The following KDM4B variants were observed in gnomAD, a reference collection of about 807,000 sequenced individuals.
KDM4B encodes the protein lysine demethylase 4B, also known as lysine-specific demethylase 4B.
A neutral mutation model predicts 125.2 loss-of-function variants in KDM4B; 32 were observed. The observed-to-expected ratio is 0.26, with a 90% confidence interval of 0.19 to 0.34. KDM4B has a LOEUF of 0.34. KDM4B is among the 10% of genes least tolerant of loss of function. The pLI, the probability that KDM4B is intolerant of heterozygous loss-of-function variation, is 1.00. For synonymous variants in KDM4B, 721 were observed against 677.9 expected (o/e 1.06, Z -0.99); for missense variants, 1,190 against 1,577.7 (o/e 0.75, Z 4.16).
chr19:5,136,315 C>G (rs1225933139), intron 15 of KDM4B, among the ~76,000 whole-genome samples: 5 of 152,194 alleles, frequency 3.3e-5, no homozygotes, highest in African/African-American at 1.2e-4. Context: ...TGGTCACAGA[C>G]AAGAAAATGG....
chr19:5,049,219 T>C (rs892523960), intron 6 of KDM4B, among the ~76,000 whole-genome samples: 1 of 152,026 alleles, frequency 6.6e-6, no homozygotes, highest in Admixed American at 6.5e-5. Context: ...GCCGAGGGCC[T>C]CTCCTGAGCT....
At chr19:5,087,913 C>A (rs1049031288) in intron 9 of KDM4B, among the ~76,000 whole-genome samples, 1 of 152,096 alleles carries the variant, frequency 6.6e-6, no homozygotes, top group Non-Finnish European at 1.5e-5. Context: ...CTGGGCTGTT[C>A]GGAGGGTTTG....
chr19:4,995,614 TG>T (rs2035174667), intron 1 of KDM4B, among the ~76,000 whole-genome samples: 1 of 152,104 alleles, frequency 6.6e-6, no homozygotes, highest in African/African-American at 2.4e-5. Flanking sequence ...TGGTAGAGAG[TG>T]GGTGCCATCA....
At chr19:5,102,625 G>C (rs1290834062) in intron 9 of KDM4B, among the ~76,000 whole-genome samples, 1 of 152,176 alleles carries the variant, frequency 6.6e-6, no homozygotes, top group Non-Finnish European at 1.5e-5. Flanking sequence ...TTGGCGTTGG[G>C]AGGGATCTCG....
chr19:5,151,478 G>A lies in KDM4B; in HGVS notation c.3258G>A (p.Leu1086=), dbSNP rs987219463. ...ACGTGGCCTTCGTGGAGAGCCTCCT[G>A]CAGGTGCAGGGCCGGCCCGGAGCCC... The part of the protein sequence containing the change: ...QDYVAFVESL[L]QVQGRPGAPF Residue 1086 remains leucine (L), a synonymous_variant, in exon 23 of 23, where the codon CTG becomes CTA. Transcript: ENST00000159111. 5.3e-6 allele frequency: 8 copies of A among 1,502,420 alleles called. No individual in the cohort carries two copies. In the African/African-American group the frequency reaches 1.0e-4, roughly 19 times the overall value. The allele number at this position is 1,502,420 out of a possible 1,614,324, so 93.1% of individuals were successfully genotyped here.
chr19:5,038,448 A>T (rs573160692), intron 3 of KDM4B, among the ~76,000 whole-genome samples: 5 of 152,332 alleles, frequency 3.3e-5, no homozygotes, highest in African/African-American at 1.2e-4. Flanking sequence ...AGCCGGCGCT[A>T]ACCTGGACTG....
chr19:5,112,252 C>G (rs891532298), intron 10 of KDM4B: 1 of 166,100 alleles, frequency 6.0e-6, no homozygotes, highest in African/African-American at 2.4e-5. Flanking sequence ...GACCTTGTCT[C>G]TCCAGGAAAA....
At chr19:5,122,545 G>A (rs2039379924) in intron 11 of KDM4B, among the ~76,000 whole-genome samples, 1 of 152,232 alleles carries the variant, frequency 6.6e-6, no homozygotes, top group Non-Finnish European at 1.5e-5. Flanking sequence ...CTAAGTGATT[G>A]TTTATTAAAA....
Position 5,133,986 on chromosome 19 carries a change from G to C in KDM4B, c.2010G>C (p.Glu670Asp). The change falls in exon 14 of 23, where the codon GAG becomes GAC. Residue 670 changes from glutamate to aspartate, a missense_variant. By Grantham distance (45) the Glu-to-Asp change is conservative (BLOSUM62 2). Around this residue, in one of 7 missense-constraint regions of KDM4B, gnomAD observed 128 missense variants for 137.8 expected, o/e 0.93. Transcript: ENST00000159111. ...ACAGGGCGGCCAGCTTCCAGGCCGA[G>C]AGGAAGTTCAACGCAGCGGCTGCGC... ...WKNRAASFQA[E>D]RKFNAAAART... 6.2e-7 allele frequency: 1 copy of C among 1,612,546 alleles called. No homozygotes were observed. Among genetic ancestry groups the C allele is most frequent in the Non-Finnish European group, 8.5e-7 (1 of 1,179,926 alleles).
intron 14 of KDM4B, among the ~76,000 whole-genome samples, chr19:5,134,611 C>T (rs2039615969): frequency 6.6e-6 from 1 of 152,216 alleles, no homozygotes; most frequent in Non-Finnish European, 1.5e-5. Flanking sequence ...ATCCCCCCTT[C>T]TCTCTTCCCC....
chr19:4,988,828 C>G (rs1169934230), intron 1 of KDM4B, among the ~76,000 whole-genome samples: 2 of 152,160 alleles, frequency 1.3e-5, no homozygotes, highest in African/African-American at 4.8e-5. Context: ...TCAGCTTCCT[C>G]GCAGAGGCTT....
chr19:5,048,569 G>A lies in KDM4B; in HGVS notation c.626+900G>A, dbSNP rs552540998. 2.3e-4 allele frequency among the ~76,000 whole-genome samples: 35 copies of A among 151,788 alleles called. 1 individual carries two copies. In the South Asian group the frequency reaches 5.6e-3, roughly 24 times the overall value. On this transcript the variant is annotated intron_variant, in intron 6 of 22. Coordinates refer to ENST00000159111, the MANE Select transcript of KDM4B (RefSeq NM_015015.3). Reference sequence around the variant, plus strand: ...GGGCGTGGGAGCTCCGCCTTGCCTGGCCCTTCCCTGGGTTGGAGTTGTAAG... The same window carrying A: ...GGGCGTGGGAGCTCCGCCTTGCCTGACCCTTCCCTGGGTTGGAGTTGTAAG...
chr19:5,047,702 G>A (rs1375022960), intron 6 of KDM4B, 33 bp downstream of exon 6: 1 of 1,602,074 alleles, frequency 6.2e-7, no homozygotes, highest in African/African-American at 1.3e-5. Flanking sequence ...CCGCCGGCCG[G>A]ACCGAGAGCC....
intron 3 of KDM4B, among the ~76,000 whole-genome samples, chr19:5,034,907 G>C (rs1271552238): frequency 6.6e-6 from 1 of 152,182 alleles, no homozygotes; most frequent in Non-Finnish European, 1.5e-5. Flanking sequence ...GCTCACTGCA[G>C]CCTTGACCTC....
chr19:5,092,080 C>T (rs1023983461), intron 9 of KDM4B, among the ~76,000 whole-genome samples: 1 of 152,194 alleles, frequency 6.6e-6, no homozygotes, highest in African/African-American at 2.4e-5. Context: ...GAGCGGATCC[C>T]GGGCCGGGCC....
At chr19:4,983,203 G>A (rs197156) in intron 1 of KDM4B, among the ~76,000 whole-genome samples, 102,179 of 149,254 alleles carry the variant, frequency 0.68, 35,384 homozygotes, top group African/African-American at 0.8. Flanking sequence ...CTGGCCCTAC[G>A]TGGTTGATCA....
intron 7 of KDM4B, chr19:5,074,267 T>C (rs2038033444): frequency 6.6e-6 from 1 of 152,350 alleles, no homozygotes; most frequent in South Asian, 2.1e-4. Flanking sequence ...TGCCCTCCCC[T>C]CTGGAAGGCA....
intron 1 of KDM4B, among the ~76,000 whole-genome samples, chr19:4,991,160 G>A (rs1181181405): frequency 6.6e-6 from 1 of 152,036 alleles, no homozygotes. Context: ...ACACTGTTAT[G>A]GAGAATTTGA....
At chr19:5,077,263 C>G in intron 7 of KDM4B, 104 bp from the exon 8 acceptor site, 2 of 934,582 alleles carry the variant, frequency 2.1e-6, no homozygotes, top group Non-Finnish European at 3.3e-6. Context: ...CCCACACGCC[C>G]GCTCTCCATG....
Sources: allele counts gnomAD v4.1 joint callset (sites outside exome capture counted in the v4.1 genomes callset), GRCh38; gene constraint gnomAD v4.1.1; regional missense constraint gnomAD v4.1.1; transcripts MANE v1.5; gene names NCBI Gene and HGNC (gene_info 2026-07-23, HGNC 2026-07-21).